Variants in TMPRSS2 observed in about 807,000 individuals in gnomAD.
TMPRSS2 encodes the protein transmembrane protease serine 2.
TMPRSS2 carries 59 observed loss-of-function variants against 67.4 expected under a neutral mutation model. That is an observed-to-expected ratio of 0.88 (90% CI 0.71 to 1.09). TMPRSS2 has a LOEUF of 1.09. Ranked by LOEUF, TMPRSS2 falls within the 50% of genes least tolerant of loss-of-function variation. TMPRSS2 has a pLI of 0.00. For synonymous variants in TMPRSS2, 257 were observed against 257.0 expected, an observed-to-expected ratio of 1.00 and a Z score of 0.00; for missense variants, 668 against 642.7, an observed-to-expected ratio of 1.04 and a Z score of -0.43.
intron 1 of TMPRSS2, among the ~76,000 whole-genome samples, chr21:41,506,028 C>T (rs1357578021): frequency 1.3e-5 from 2 of 152,184 alleles, no homozygotes; most frequent in African/African-American, 4.8e-5. Flanking sequence ...GCAATGATGC[C>T]TGGCTGAAAA....
chr21:41,467,311 C>T (rs547401659), intron 13 of TMPRSS2, among the ~76,000 whole-genome samples: 3 of 151,980 alleles, frequency 2.0e-5, no homozygotes, highest in East Asian at 1.9e-4. Context: ...ATCACTTGAA[C>T]CCAGGAGGCA....
intron 12 of TMPRSS2, 191 bp downstream of exon 12, chr21:41,468,205 G>C: frequency 1.5e-6 from 1 of 684,690 alleles, no homozygotes; most frequent in South Asian, 2.0e-5. Flanking sequence ...GGGTGTGTGT[G>C]ATTTGTTGAC....
At chr21:41,479,403 G>GAA in intron 6 of TMPRSS2, 121 bp from the exon 7 acceptor site, 1 of 731,144 alleles carries the variant, frequency 1.4e-6, no homozygotes, top group Non-Finnish European at 2.2e-6. Context: ...TAGCATTTAG[G>GAA]AAAAAAAATC....
At position 41,471,936 on chromosome 21, in the gene TMPRSS2, C is replaced by G; in HGVS notation, c.945G>C (p.Leu315Phe). The G allele has an allele frequency of 6.2e-7, 1 of 1,613,064 alleles. No homozygotes were observed. Among genetic ancestry groups the G allele is most frequent in the Non-Finnish European group, 8.5e-7 (1 of 1,179,660 alleles). Residue 315 changes from leucine to phenylalanine, a missense_variant, in exon 10 of 14, where the codon TTG becomes TTC. Leu to Phe is a conservative substitution (Grantham distance 22, BLOSUM62 0). Coordinates refer to ENST00000332149, the MANE Select transcript of TMPRSS2 (RefSeq NM_005656.4). ...CTCCATAGAACATGAAAGATTGTCT[C>G]AAAATCCCCGCAAATGCCGTCCAAT... ...PWHWTAFAGI[L>F]RQSFMFYGAG... is the part of the protein sequence containing the mutation.
At chr21:41,484,063 G>A (rs1450276000) in intron 5 of TMPRSS2, among the ~76,000 whole-genome samples, 1 of 152,140 alleles carries the variant, frequency 6.6e-6, no homozygotes, top group African/African-American at 2.4e-5. Flanking sequence ...AGGCTGCAAT[G>A]AGCCATGACT....
chr21:41,464,784 A>G lies in TMPRSS2; in HGVS notation c.*1358T>C, dbSNP rs796562973. On this transcript the variant is annotated 3_prime_UTR_variant, in exon 14 of 14. Transcript: ENST00000332149. ...GGTCCCTGGGAATGCTGCTCTCTAC[A>G]GAGGCATGTGCACAGACAGATCCTG... 101 of 233,352 alleles carry G rather than the reference A, an allele frequency of 4.3e-4. No homozygotes were observed. The highest frequency in any genetic ancestry group is 2.1e-3 in the African/African-American group (95 of 45,490). 14.5% of individuals were successfully genotyped at this position (233,352 alleles called of 1,614,324 possible). A position where few individuals can be genotyped will look rare whatever the true frequency, so the allele number is the denominator to read the frequency against.
At position 41,466,341 on chromosome 21, in the gene TMPRSS2, C is replaced by T. The variant is rs57474639; in HGVS notation, c.1468-188G>A. 0.11 allele frequency among the ~76,000 whole-genome samples: 17,497 copies of T among 152,238 alleles called. 1,247 individuals carry two copies. The highest frequency in any genetic ancestry group is 0.13 in the Non-Finnish European group (9,036 of 67,998). ...GCTGAGCATGGCGGGGCAGGAGCTCCGGAAGGAGCGGGCAGCGGATGTGGA... is the reference window on the plus strand; with the variant it reads ...GCTGAGCATGGCGGGGCAGGAGCTCTGGAAGGAGCGGGCAGCGGATGTGGA... On this transcript the variant is annotated intron_variant, in intron 13 of 13. Coordinates refer to ENST00000332149, the MANE Select transcript of TMPRSS2 (RefSeq NM_005656.4).
chr21:41,495,612 C>T (rs1188461402), intron 2 of TMPRSS2, among the ~76,000 whole-genome samples: 4 of 118,362 alleles, frequency 3.4e-5, no homozygotes, highest in Non-Finnish European at 6.8e-5. Context: ...GCGACAAGAG[C>T]GAAACTCCCG....
intron 7 of TMPRSS2, among the ~76,000 whole-genome samples, chr21:41,477,884 C>G (rs925853748): frequency 3.4e-5 from 5 of 146,476 alleles, no homozygotes; most frequent in Admixed American, 1.4e-4. Flanking sequence ...CGCCTCCCCC[C>G]ACCACCACCA....
intron 5 of TMPRSS2, among the ~76,000 whole-genome samples, chr21:41,481,057 T>C (rs951664883): frequency 6.6e-6 from 1 of 152,130 alleles, no homozygotes; most frequent in African/African-American, 2.4e-5. Context: ...AGGCCACAAA[T>C]CTATTCTTTT....
rs749577439 is a variant in TMPRSS2 at position 41,480,514 on chromosome 21, C to A, written c.534G>T (p.Glu178Asp). ...CCCTGCAGGCCGCCCGCCCGTAGTT[C>A]TCGTTCCAGTCGTCTTGGCACACAG... is the stretch of plus-strand genomic sequence containing the variant. ...WHPVCQDDWN[E>D]NYGRAACRDM... is the part of the protein sequence containing the mutation. The change falls in exon 6 of 14, where the codon GAG becomes GAT. Residue 178 changes from glutamate (E) to aspartate (D), a missense_variant. By Grantham distance (45) the Glu-to-Asp change is conservative. Coordinates refer to ENST00000332149, the MANE Select transcript of TMPRSS2 (RefSeq NM_005656.4). 1.9e-6 allele frequency: 3 copies of A among 1,613,600 alleles called. No individual in the cohort carries two copies. The highest frequency in any genetic ancestry group is 2.7e-5 in the African/African-American group (2 of 74,942).
At chr21:41,507,883 C>A in intron 1 of TMPRSS2, 198 bp downstream of exon 1, 1 of 1,471,202 alleles carries the variant, frequency 6.8e-7, no homozygotes, top group Non-Finnish European at 9.0e-7. Flanking sequence ...GCGCCCAGCA[C>A]TCTCCCAGCA....
At position 41,468,005 on chromosome 21, in the gene TMPRSS2, G is replaced by A; in HGVS notation, c.1315-119C>T. Reference sequence around the variant, plus strand: ...CGCAGTGTGAGTTACGAGTGACTGTGTGGGCTTCGAATCTCCACCATCAAG... The same window carrying A: ...CGCAGTGTGAGTTACGAGTGACTGTATGGGCTTCGAATCTCCACCATCAAG... On this transcript the variant is annotated intron_variant, in intron 12 of 13. Transcript: ENST00000332149. 6.4e-6 allele frequency: 7 copies of A among 1,087,152 alleles called. 1 individual carries two copies. In the South Asian group the frequency reaches 8.8e-5, roughly 14 times the overall value. The allele number at this position is 1,087,152 out of a possible 1,614,324, so 67.3% of individuals were successfully genotyped here.
intron 7 of TMPRSS2, 93 bp downstream of exon 7, chr21:41,479,079 A>G (rs9975014): frequency 0.27 from 259,066 of 972,144 alleles, 35,128 homozygotes; most frequent in Middle Eastern, 0.33. Flanking sequence ...CGAGTATTGC[A>G]GCTCAGAGAA....
chr21:41,506,629 C>G (rs1014459660), intron 1 of TMPRSS2: 1 of 152,288 alleles, frequency 6.6e-6, no homozygotes, highest in Non-Finnish European at 1.5e-5. Flanking sequence ...CTTGCGTCCC[C>G]AAGGCCCTTT....
At position 41,480,503 on chromosome 21, in the gene TMPRSS2, C is replaced by T. The variant is rs903273822; in HGVS notation, c.545G>A (p.Arg182Gln). Residue 182 changes from arginine to glutamine, a missense_variant, in exon 6 of 14, where the codon CGG (arginine) becomes CAG (glutamine). Arg to Gln is a conservative substitution (Grantham distance 43). Transcript: ENST00000332149. ...ATAGCCCATGTCCCTGCAGGCCGCC[C>T]GCCCGTAGTTCTCGTTCCAGTCGTC... ...CQDDWNENYG[R>Q]AACRDMGYKN... The T allele has an allele frequency of 3.7e-6, 6 of 1,613,670 alleles. No individual in the cohort carries two copies. In the East Asian group the frequency reaches 6.7e-5, roughly 18 times the overall value.
At chr21:41,488,335 C>G in intron 5 of TMPRSS2, 59 bp downstream of exon 5, 1 of 1,582,296 alleles carries the variant, frequency 6.3e-7, no homozygotes. Context: ...GCCCCTGGAC[C>G]CGGCTGCTGT....
At chr21:41,476,731 C>A in intron 7 of TMPRSS2, 111 bp from the exon 8 acceptor site, 1 of 964,308 alleles carries the variant, frequency 1.0e-6, no homozygotes, top group Non-Finnish European at 1.7e-6. Flanking sequence ...TCTTCTGAGA[C>A]ATAGAAGGGT....
Position 41,478,222 on chromosome 21 carries a change from G to A in TMPRSS2, c.683+950C>T, listed in dbSNP as rs2091230795. Among the ~76,000 whole-genome samples, 1 of 152,236 alleles carries A rather than the reference G, an allele frequency of 6.6e-6. No individual in the cohort carries two copies. The highest frequency in any genetic ancestry group is 1.9e-4 in the East Asian group (1 of 5,194). On this transcript the variant is annotated intron_variant, in intron 7 of 13. Coordinates refer to ENST00000332149, the MANE Select transcript of TMPRSS2 (RefSeq NM_005656.4). This position sits in a 1 kb window ranked among gnomAD's most constrained non-coding sequence, Gnocchi z 4.0. ...GCCACATTCCCCAGGACAGCAGGCT[G>A]CAGTGGAAGTCAGGCCCCCAGACCC...
Sources: allele counts gnomAD v4.1 joint callset (sites outside exome capture counted in the v4.1 genomes callset), GRCh38; gene constraint gnomAD v4.1.1; non-coding constraint Gnocchi (gnomAD v3.1); transcripts MANE v1.5; gene names NCBI Gene and HGNC (gene_info 2026-07-23, HGNC 2026-07-21).